The following LILRA2 variants were observed in gnomAD, a reference collection of about 807,000 sequenced individuals.
LILRA2 encodes leukocyte immunoglobulin like receptor A2.
LILRA2 carries 45 observed loss-of-function variants against 47.9 expected under a neutral mutation model. That is an observed-to-expected ratio of 0.94 (90% confidence interval 0.74 to 1.20). The LOEUF is 1.20. Among genes scored for constraint, LILRA2 ranks in the 50% most tolerant of loss-of-function variants. The pLI is 0.00. For synonymous variants in LILRA2, 279 were observed against 249.2 expected (o/e 1.12, Z -1.13); for missense variants, 651 against 598.2 (o/e 1.09, Z -0.92).
chr19:54,576,463 C>A (rs1227254982), intron 6 of LILRA2, among the ~76,000 whole-genome samples: 1 of 150,156 alleles, frequency 6.7e-6, no homozygotes, highest in African/African-American at 2.5e-5. Context: ...TGTCCTGACC[C>A]CATGGGTGAC....
chr19:54,573,593 T>A (rs2062215308), upstream of LILRA2: 3 of 757,160 alleles, frequency 4.0e-6, no homozygotes, highest in South Asian at 5.0e-5. Flanking sequence ...ATCCCAGGTC[T>A]CAAGGAGATG....
At chr19:54,577,823 A>G (rs1317091070) in intron 6 of LILRA2, 2 of 711,312 alleles carry the variant, frequency 2.8e-6, no homozygotes, top group Non-Finnish European at 3.7e-6. Flanking sequence ...CTTTTAAAAC[A>G]GTATTTGAAT....
chr19:54,573,551 C>A, upstream of LILRA2: 2 of 779,232 alleles, frequency 2.6e-6, no homozygotes, highest in Non-Finnish European at 4.3e-6. Context: ...GAAGGGCAGA[C>A]GCAGGAGGGC....
Position 54,575,929 on chromosome 19 carries a change from G to C in LILRA2, c.1075G>C (p.Gly359Arg), listed in dbSNP as rs377346017. ...CCACACTTTCCTTCTGACCAAGGAGGGGGCAGGCCATCCCCCACTGCATCT... is the reference window on the plus strand; with the variant it reads ...CCACACTTTCCTTCTGACCAAGGAGCGGGCAGGCCATCCCCCACTGCATCT... ...QFHTFLLTKE[G>R]AGHPPLHLRS... Residue 359 changes from glycine (G) to arginine (R), a missense_variant, in exon 6 of 8, where the codon GGG becomes CGG. Coordinates refer to ENST00000391738, the MANE Select transcript of LILRA2 (RefSeq NM_001130917.3). The C allele has an allele frequency of 1.4e-5, 23 of 1,613,860 alleles. No individual in the cohort carries two copies. Among genetic ancestry groups the C allele is most frequent in the Non-Finnish European group, 1.8e-5 (21 of 1,179,966 alleles).
In LILRA2 at chr19:54,587,123, G is replaced by A. The variant is rs906876541; in HGVS notation, c.1306+63G>A. ...AGAGGGTCAGGTCCTGTAAAGGGGA[G>A]GTGGGTGCCCTGGGTGGACATACAG... On this transcript the variant is annotated intron_variant, in intron 7 of 7. Transcript: ENST00000391738. The A allele has an allele frequency of 3.7e-6, 6 of 1,610,378 alleles. No individual in the cohort carries two copies. In the African/African-American group the frequency reaches 5.3e-5, roughly 14 times the overall value.
At position 54,587,604 on chromosome 19, in the gene LILRA2, G is replaced by T. The variant is rs957579561; in HGVS notation, c.*258G>T. 3.3e-6 allele frequency: 2 copies of T among 604,716 alleles called. No individual in the cohort carries two copies. The highest frequency in any genetic ancestry group is 3.7e-5 in the African/African-American group (2 of 53,990). 37.5% of individuals were successfully genotyped at this position (604,716 alleles called of 1,614,324 possible). ...GGATCCCCTTTTTTTCCCATCCCCA[G>T]ACATGAGGCTCCATCCCACATGGCA... On this transcript the variant is annotated 3_prime_UTR_variant, in exon 8 of 8. Transcript: ENST00000391738.
Position 54,580,383 on chromosome 19 carries a change from G to A in LILRA2, c.1255+4274G>A, listed in dbSNP as rs577055313. On this transcript the variant is annotated intron_variant, in intron 6 of 7. Transcript: ENST00000391738. ...GACCCCACCACAGTCCCCAGAGTGT[G>A]ATATTCCCCTTCCTGTGTCCATGTG... Among the ~76,000 whole-genome samples, 460 of 83,336 alleles carry A rather than the reference G, an allele frequency of 5.5e-3. 6 individuals are homozygous for A. The highest frequency in any genetic ancestry group is 0.021 in the African/African-American group (416 of 19,736). 54.7% of individuals were successfully genotyped at this position (83,336 alleles called of 152,430 possible).
upstream of LILRA2, chr19:54,573,691 A>C (rs372313802): frequency 1.3e-4 from 150 of 1,172,510 alleles, 1 homozygote; most frequent in African/African-American, 1.9e-3. Context: ...GCCTGCCCCC[A>C]CCTCAGCCCT....
chr19:54,573,405 C>T (rs1344834279), upstream of LILRA2: 4 of 912,544 alleles, frequency 4.4e-6, no homozygotes, highest in Non-Finnish European at 7.1e-6. Context: ...TTCCCTGAAG[C>T]ATCTCCAGGG....
chr19:54,575,555 G>A lies in LILRA2; in HGVS notation c.952+3G>A, dbSNP rs1019049000. 1 of 1,611,852 alleles carries A rather than the reference G, an allele frequency of 6.2e-7. No individual in the cohort carries two copies. ...CCCCCTGGACATCCTGATCACAGGT[G>A]AGGAGCCCAGCGGGTTCAGTCAGGG... is the stretch of plus-strand genomic sequence containing the variant. On this transcript the variant is annotated splice_donor_region_variant and intron_variant, in intron 5 of 7. Transcript: ENST00000391738.
chr19:54,577,272 G>T (rs1348678892), intron 6 of LILRA2, among the ~76,000 whole-genome samples: 4 of 152,118 alleles, frequency 2.6e-5, no homozygotes, highest in African/African-American at 9.7e-5. Context: ...AGGACCCCCA[G>T]CCCCTGGCCT....
In LILRA2 at chr19:54,587,579, G is replaced by A; in HGVS notation, c.*233G>A. The A allele has an allele frequency of 1.4e-6, 1 of 734,496 alleles. No individual in the cohort carries two copies. Among genetic ancestry groups the A allele is most frequent in the Non-Finnish European group, 2.1e-6 (1 of 468,354 alleles). The allele number at this position is 734,496 out of a possible 1,614,324, so 45.5% of individuals were successfully genotyped here. A position where few individuals can be genotyped will look rare whatever the true frequency, so the allele number is the denominator to read the frequency against. ...CTATGAATGTTGACTTCCCTTGACT[G>A]GATCCCCTTTTTTTCCCATCCCCAG... On this transcript the variant is annotated 3_prime_UTR_variant, in exon 8 of 8. Coordinates refer to ENST00000391738, the MANE Select transcript of LILRA2 (RefSeq NM_001130917.3).
chr19:54,582,184 T>G (rs1355612662), intron 6 of LILRA2, among the ~76,000 whole-genome samples: 1 of 152,332 alleles, frequency 6.6e-6, no homozygotes, highest in East Asian at 1.9e-4. Flanking sequence ...TGCCAGTATT[T>G]TATTGAGGAG....
intron 6 of LILRA2, among the ~76,000 whole-genome samples, chr19:54,582,472 A>G (rs907348075): frequency 6.6e-6 from 1 of 152,104 alleles, no homozygotes; most frequent in Non-Finnish European, 1.5e-5. Flanking sequence ...TGGTTTATTC[A>G]TAGATTCAAC....
intron 6 of LILRA2, among the ~76,000 whole-genome samples, chr19:54,576,581 G>A (rs1313141372): frequency 1.4e-5 from 2 of 148,016 alleles, no homozygotes; most frequent in Admixed American, 6.6e-5. Context: ...TGGACAGTAA[G>A]GGTGTGGTCT....
intron 7 of LILRA2, 46 bp downstream of exon 7, chr19:54,587,106 A>C: frequency 6.2e-7 from 1 of 1,610,922 alleles, no homozygotes; most frequent in Non-Finnish European, 8.5e-7. Flanking sequence ...ACAGAGGGTC[A>C]GGTCCTGTAA....
rs1452271947 is a variant in LILRA2, at chr19:54,574,028, C to T, written c.35-48C>T. 4 of 1,614,186 alleles carry T rather than the reference C, an allele frequency of 2.5e-6. No homozygotes were observed. The South Asian group carries it at 3.3e-5, about 13-fold the overall frequency. On this transcript the variant is annotated intron_variant, in intron 1 of 7. Coordinates refer to ENST00000391738, the MANE Select transcript of LILRA2 (RefSeq NM_001130917.3). ...ACAAAGATCCCAGGGAGGGGAGGAC[C>T]TGCCCAGGCTTCAGGGGAAAAATCC...
At chr19:54,575,609 G>A in intron 5 of LILRA2, 57 bp downstream of exon 5, 3 of 1,595,272 alleles carry the variant, frequency 1.9e-6, no homozygotes, top group Non-Finnish European at 2.6e-6. Context: ...CCCTGCCAGG[G>A]GAGCCCAGGT....
At chr19:54,578,428 A>T (rs952864693) in intron 6 of LILRA2, among the ~76,000 whole-genome samples, 1 of 152,150 alleles carries the variant, frequency 6.6e-6, no homozygotes, top group African/African-American at 2.4e-5. Flanking sequence ...TTCCAGGTTC[A>T]TCAATGTCCC....
Sources: allele counts gnomAD v4.1 joint callset (sites outside exome capture counted in the v4.1 genomes callset), GRCh38; gene constraint gnomAD v4.1.1; transcripts MANE v1.5; gene names NCBI Gene and HGNC (gene_info 2026-07-23, HGNC 2026-07-21).